The following SLC25A30 variants were observed in gnomAD, a reference collection of about 807,000 sequenced individuals.
SLC25A30 encodes the protein kidney mitochondrial carrier protein 1.
In SLC25A30, 29 loss-of-function variants were observed where a neutral mutation model predicts 42.7. The observed-to-expected ratio is 0.68, with a 90% confidence interval of 0.51 to 0.93. SLC25A30 has a LOEUF of 0.93. Ranked by LOEUF, SLC25A30 falls within the 40% of genes least tolerant of loss-of-function variation. SLC25A30 has a pLI of 0.00. For missense variants in SLC25A30, 300 were observed against 359.7 expected (o/e 0.83, Z 1.34); for synonymous variants, 124 against 131.0 (o/e 0.95, Z 0.37).
chr13:45,410,209 A>T (rs1465145399), intron 2 of SLC25A30, among the ~76,000 whole-genome samples: 1 of 152,254 alleles, frequency 6.6e-6, no homozygotes, highest in Non-Finnish European at 1.5e-5. Context: ...ACAAATGGGA[A>T]CTGGATAATG....
chr13:45,411,634 C>T (rs1883037059), intron 1 of SLC25A30, 154 bp from the exon 2 acceptor site: 3 of 558,394 alleles, frequency 5.4e-6, no homozygotes, highest in Non-Finnish European at 9.7e-6. Flanking sequence ...AGCAAAGCAC[C>T]CCTATTTCCT....
intron 1 of SLC25A30, among the ~76,000 whole-genome samples, chr13:45,413,560 T>C (rs1221002403): frequency 6.6e-6 from 1 of 151,630 alleles, no homozygotes; most frequent in East Asian, 1.9e-4. Context: ...CATCTCTTTT[T>C]TTTTTTTTTT....
chr13:45,425,607 TACATATATAA>T, the SLC25A30 span, among the ~76,000 whole-genome samples: 5 of 46,364 alleles, frequency 1.1e-4, no homozygotes, highest in African/African-American at 5.5e-4. Flanking sequence ...CATATATATA[TACATATATAA>T]ATATATATAT....
At chr13:45,423,477 C>T in the SLC25A30 span, among the ~76,000 whole-genome samples, 32 of 137,742 alleles carry the variant, frequency 2.3e-4, no homozygotes, top group South Asian at 7.1e-3. Flanking sequence ...ATCCAGTAGC[C>T]TGTCTCGGTA....
At chr13:45,414,635 TACACACACACACACACACACAC>T (rs145462442) in intron 1 of SLC25A30, among the ~76,000 whole-genome samples, 2 of 139,908 alleles carry the variant, frequency 1.4e-5, no homozygotes, top group Non-Finnish European at 3.2e-5. Context: ...CACACACACA[TACACACACACACACACACACAC>T]ACACACACAC....
At chr13:45,410,827 A>T (rs996441591) in intron 2 of SLC25A30, among the ~76,000 whole-genome samples, 6 of 152,212 alleles carry the variant, frequency 3.9e-5, no homozygotes, top group Admixed American at 6.5e-5. Flanking sequence ...AAAAAATTTT[A>T]AAAAACTTGT....
At chr13:45,416,090 G>A (rs902170568) in intron 1 of SLC25A30, among the ~76,000 whole-genome samples, 5 of 150,848 alleles carry the variant, frequency 3.3e-5, no homozygotes, top group African/African-American at 9.7e-5. Flanking sequence ...GAACCACGGC[G>A]CCCGGTCCAA....
chr13:45,393,884 T>C lies in SLC25A30; in HGVS notation c.*2090A>G, dbSNP rs1881124512. 2.0e-6 allele frequency: 2 copies of C among 985,284 alleles called. No individual in the cohort carries two copies. The highest frequency in any genetic ancestry group is 3.5e-5 in the African/African-American group (2 of 57,226). 61.0% of individuals were successfully genotyped at this position (985,284 alleles called of 1,614,324 possible). On this transcript the variant is annotated 3_prime_UTR_variant, in exon 10 of 10. Transcript: ENST00000519676. The stretch of plus-strand genomic sequence containing the variant: ...GAACATGTATGTAATTTGAATAAAC[T>C]GGTAATAATACTGTCTGACATTCGC...
the SLC25A30 span, among the ~76,000 whole-genome samples, chr13:45,426,393 A>T: frequency 6.6e-6 from 1 of 152,056 alleles, no homozygotes; most frequent in Non-Finnish European, 1.5e-5. Context: ...CCCAGTTTTT[A>T]TATTTTTTAA....
At chr13:45,424,407 A>T in the SLC25A30 span, among the ~76,000 whole-genome samples, 5 of 67,408 alleles carry the variant, frequency 7.4e-5, no homozygotes, top group Non-Finnish European at 1.3e-4. Flanking sequence ...AAATATATAA[A>T]AATATATATA....
In SLC25A30 at chr13:45,393,632, T is replaced by C. The variant is rs1157246066; in HGVS notation, c.*2342A>G. 6 of 985,470 alleles carry C rather than the reference T, an allele frequency of 6.1e-6. No homozygotes were observed. The highest frequency in any genetic ancestry group is 1.7e-5 in the African/African-American group (1 of 57,380). 61.0% of individuals were successfully genotyped at this position (985,470 alleles called of 1,614,324 possible). A position where few individuals can be genotyped will look rare whatever the true frequency, so the allele number is the denominator to read the frequency against. On this transcript the variant is annotated 3_prime_UTR_variant, in exon 10 of 10. Transcript: ENST00000519676. ...AAACCCAAAGGTGGGGAGGTACTTA[T>C]AGCCAGAACCCTGACAACGAGGGGA... is the stretch of plus-strand genomic sequence containing the variant.
intron 3 of SLC25A30, 113 bp downstream of exon 3, chr13:45,408,814 C>G: frequency 1.1e-6 from 1 of 914,096 alleles, no homozygotes; most frequent in Non-Finnish European, 1.5e-6. Flanking sequence ...GCTATTTGTT[C>G]TTTTCAAACA....
chr13:45,424,718 AAT>A, the SLC25A30 span, among the ~76,000 whole-genome samples: 1 of 69,468 alleles, frequency 1.4e-5, no homozygotes, highest in African/African-American at 5.3e-5. Flanking sequence ...TACATATATA[AAT>A]ATATATAAAT....
chr13:45,399,013 C>T lies in SLC25A30; in HGVS notation c.680G>A (p.Arg227His), dbSNP rs376017387. The T allele has an allele frequency of 4.0e-5, 64 of 1,613,840 alleles. No individual in the cohort carries two copies. The highest frequency in any genetic ancestry group is 5.0e-5 in the Non-Finnish European group (59 of 1,179,972). Reference protein sequence around the residue: ...ASNPVDVVRTRMMNQRVLRDG... With the variant: ...ASNPVDVVRTHMMNQRVLRDG... ...TCGAAGCACTCTCTGATTCATCATA[C>T]GTGTCCTCACAACATCAACAGGGTT... The change falls in exon 8 of 10, where the codon CGT becomes CAT. Residue 227 changes from arginine (R) to histidine (H), a missense_variant. Physicochemically the swap from Arg to His is conservative, Grantham distance 29. Transcript: ENST00000519676.
the SLC25A30 span, among the ~76,000 whole-genome samples, chr13:45,424,536 A>T: frequency 2.5e-5 from 1 of 40,660 alleles, no homozygotes; most frequent in Admixed American, 3.9e-4. Flanking sequence ...AATATATATA[A>T]ATATATAAAT....
At chr13:45,416,966 T>C (rs1242793216) in intron 1 of SLC25A30, among the ~76,000 whole-genome samples, 1 of 152,180 alleles carries the variant, frequency 6.6e-6, no homozygotes, top group Admixed American at 6.5e-5. Flanking sequence ...AGGGAGGTAA[T>C]TAAATATAAT....
rs1264415238 is a variant in SLC25A30 at position 45,402,358 on chromosome 13, C to G, written c.406G>C (p.Ala136Pro). 2.5e-6 allele frequency: 4 copies of G among 1,613,706 alleles called. No homozygotes were observed. The highest frequency in any genetic ancestry group is 3.4e-6 in the Non-Finnish European group (4 of 1,179,808). Residue 136 changes from alanine to proline, a missense_variant, in exon 6 of 10, where the codon GCG becomes CCG. Coordinates refer to ENST00000519676, the MANE Select transcript of SLC25A30 (RefSeq NM_001010875.4). The part of the protein sequence containing the change: ...PTDVLKIRMQ[A>P]QSNTIQGGMI... ...CCTCCTTGAATGGTGTTGCTTTGCG[C>G]TTGCATCCGAATCTAGAGATTATTT...
At chr13:45,398,041 G>A in intron 8 of SLC25A30, 18 of 985,356 alleles carry the variant, frequency 1.8e-5, no homozygotes, top group Non-Finnish European at 2.2e-5. Context: ...TACGATAAGT[G>A]TCTTTGCTTC....
At position 45,395,249 on chromosome 13, in the gene SLC25A30, C is replaced by T. The variant is rs1252638542; in HGVS notation, c.*725G>A. The T allele has an allele frequency of 4.1e-6, 4 of 985,416 alleles. No individual in the cohort carries two copies. The highest frequency in any genetic ancestry group is 4.8e-6 in the Non-Finnish European group (4 of 830,040). The allele number at this position is 985,416 out of a possible 1,614,324, so 61.0% of individuals were successfully genotyped here. ...TTACTAACATGACCTAAGACAGAAC[C>T]TAAGCTGCTTGAAAACACCCCCCAC... On this transcript the variant is annotated 3_prime_UTR_variant, in exon 10 of 10. Transcript: ENST00000519676.
Sources: allele counts gnomAD v4.1 joint callset (sites outside exome capture counted in the v4.1 genomes callset), GRCh38; gene constraint gnomAD v4.1.1; transcripts MANE v1.5; gene names NCBI Gene and HGNC (gene_info 2026-07-23, HGNC 2026-07-21).